The following ALPK2 variants were observed in gnomAD, a reference collection of about 807,000 sequenced individuals.
ALPK2 encodes alpha-protein kinase 2.
A neutral mutation model predicts 163.1 loss-of-function variants in ALPK2; 127 were observed. The ratio of observed to expected loss-of-function variants is 0.78; its 90% CI spans 0.67 to 0.90. The LOEUF (loss-of-function observed/expected upper bound fraction) is 0.90, where lower values mean the gene tolerates loss of function less well. Ranked by LOEUF, ALPK2 falls within the 40% of genes least tolerant of loss-of-function variation. ALPK2 has a pLI of 0.00. For missense variants in ALPK2, 2,360 were observed against 2,589.6 expected, an observed-to-expected ratio of 0.91 and a Z score of 1.92; for synonymous variants, 953 against 959.1, an observed-to-expected ratio of 0.99 and a Z score of 0.12.
At chr18:58,602,377 C>A (rs2052075388) in intron 3 of ALPK2, among the ~76,000 whole-genome samples, 1 of 152,228 alleles carries the variant, frequency 6.6e-6, no homozygotes, top group Non-Finnish European at 1.5e-5. Context: ...GAAATTTATT[C>A]TTTCACAGTT....
chr18:58,578,777 T>C (rs774168136), intron 4 of ALPK2, 37 bp downstream of exon 4: 9 of 1,153,994 alleles, frequency 7.8e-6, no homozygotes, highest in African/African-American at 3.0e-5. Context: ...CACACGGTTC[T>C]TTTTATCTCG....
At chr18:58,581,509 C>T (rs888854569) in intron 3 of ALPK2, among the ~76,000 whole-genome samples, 14 of 151,726 alleles carry the variant, frequency 9.2e-5, no homozygotes, top group Non-Finnish European at 4.4e-5. Flanking sequence ...CTGGATGGAA[C>T]GAAGCCTGCT....
chr18:58,558,333 T>C (rs181093554), intron 4 of ALPK2, among the ~76,000 whole-genome samples: 2 of 152,370 alleles, frequency 1.3e-5, no homozygotes, highest in African/African-American at 4.8e-5. Flanking sequence ...TTAACAATTT[T>C]TATATTTACA....
chr18:58,487,174 G>GGCGT (rs1568063373), intron 12 of ALPK2, among the ~76,000 whole-genome samples: 1 of 86,364 alleles, frequency 1.2e-5, no homozygotes, highest in Non-Finnish European at 2.5e-5. Flanking sequence ...ATTACAGATG[G>GGCGT]AATTTCTTAA....
rs1555671041 is a variant in ALPK2 at position 58,550,517 on chromosome 18, C to CCCATCTCTATCACCTACAACCCCATCT, written c.1963-12294_1963-12293insAGATGGGGTTGTAGGTGATAGAGATGG. On this transcript the variant is annotated intron_variant, in intron 4 of 12. Coordinates refer to ENST00000361673, the MANE Select transcript of ALPK2 (RefSeq NM_052947.4). ...CATCTATATCATATACAACCCCATC[C>CCCATCTCTATCACCTACAACCCCATCT]CCATCTCCATCACCTACAATCCCAT... 7.1e-3 allele frequency among the ~76,000 whole-genome samples: 620 copies of CCCATCTCTATCACCTACAACCCCATCT among 87,224 alleles called. 8 individuals are homozygous for CCCATCTCTATCACCTACAACCCCATCT. The highest frequency in any genetic ancestry group is 0.011 in the South Asian group (31 of 2,700). The allele number at this position is 87,224 out of a possible 152,430, so 57.2% of individuals were successfully genotyped here.
At chr18:58,613,708 A>T (rs868136628) in intron 1 of ALPK2, among the ~76,000 whole-genome samples, 1,068 of 95,120 alleles carry the variant, frequency 0.011, 17 homozygotes, top group Non-Finnish European at 0.017. Flanking sequence ...CAAAAAAAAA[A>T]AATAATAATA....
rs186975520 is a variant in ALPK2, at chr18:58,518,366, G to A, written c.5666-1184C>T. Among the ~76,000 whole-genome samples, 485 of 152,286 alleles carry A rather than the reference G, an allele frequency of 3.2e-3. 1 individual carries two copies. Among genetic ancestry groups the A allele is most frequent in the African/African-American group, 0.011 (459 of 41,554 alleles). On this transcript the variant is annotated intron_variant, in intron 8 of 12. Coordinates refer to ENST00000361673, the MANE Select transcript of ALPK2 (RefSeq NM_052947.4). ...CTGCCAGAAAGAAAGAAAGGGAGTG[G>A]GGTTTGGTGGATTTTCAAACAGAAA...
intron 3 of ALPK2, among the ~76,000 whole-genome samples, chr18:58,582,909 G>A (rs2051966545): frequency 6.6e-6 from 1 of 152,144 alleles, no homozygotes; most frequent in Admixed American, 6.6e-5. Context: ...AGAAATTGTT[G>A]AGTTAAGATA....
intron 4 of ALPK2, among the ~76,000 whole-genome samples, chr18:58,562,981 A>C (rs2051832789): frequency 6.6e-6 from 1 of 152,174 alleles, no homozygotes. Flanking sequence ...ATCACATTGG[A>C]GGTTAGGACT....
intron 3 of ALPK2, chr18:58,580,832 A>G (rs897315796): frequency 1.7e-5 from 7 of 411,002 alleles, no homozygotes; most frequent in African/African-American, 6.0e-5. Context: ...TACAAATGCC[A>G]TGGCAGGGTC....
Position 58,573,264 on chromosome 18 carries a change from GTA to G in ALPK2, c.1962+5548_1962+5549del, listed in dbSNP as rs373512712. 0.013 allele frequency among the ~76,000 whole-genome samples: 359 copies of G among 28,282 alleles called. 15 individuals carry two copies. The East Asian group carries it at 0.17, about 14-fold the overall frequency. The allele number at this position is 28,282 out of a possible 152,430, so 18.6% of individuals were successfully genotyped here. A position where few individuals can be genotyped will look rare whatever the true frequency, so the allele number is the denominator to read the frequency against. ...TATATGTGTATATATGTATATATGT[GTA>G]TATATATGTATATATGTGTATATAT... On this transcript the variant is annotated intron_variant, in intron 4 of 12. Transcript: ENST00000361673.
chr18:58,579,217 A>C lies in ALPK2; in HGVS notation c.1559T>G (p.Val520Gly). 1.2e-6 allele frequency: 2 copies of C among 1,612,514 alleles called. No homozygotes were observed. Among genetic ancestry groups the C allele is most frequent in the Non-Finnish European group, 1.7e-6 (2 of 1,179,580 alleles). The change falls in exon 4 of 13, where the codon GTG (valine) becomes GGG (glycine). Residue 520 changes from valine to glycine, a missense_variant. Val to Gly is a moderately radical substitution (Grantham distance 109, BLOSUM62 -3). Coordinates refer to ENST00000361673, the MANE Select transcript of ALPK2 (RefSeq NM_052947.4). The part of the protein sequence containing the change: ...QCWETAADKR[V>G]GGKDLWSKRG... ...CTTGCTCCATAAGTCCTTTCCCCCC[A>C]CTCTCTTGTCAGCTGCCGTCTCCCA...
chr18:58,580,451 C>G lies in ALPK2; in HGVS notation c.325G>C (p.Glu109Gln), dbSNP rs753838001. ...AGGTTAGGAGACAATTGTGGGTTCT[C>G]TGATGAGCACTCAACCTCAACGGAA... ...SASVEVECSSENPQLSPNLED... is the reference protein window; with the variant it reads ...SASVEVECSSQNPQLSPNLED... Residue 109 changes from glutamate (E) to glutamine (Q), a missense_variant, in exon 4 of 13, where the codon GAG becomes CAG. Glu to Gln is a conservative substitution (Grantham distance 29, BLOSUM62 2). Transcript: ENST00000361673. The G allele has an allele frequency of 3.1e-6, 5 of 1,614,178 alleles. No individual in the cohort carries two copies. The Admixed American group carries it at 8.3e-5, about 27-fold the overall frequency.
intron 2 of ALPK2, among the ~76,000 whole-genome samples, chr18:58,611,334 A>G (rs1399507843): frequency 6.6e-6 from 1 of 152,008 alleles, no homozygotes; most frequent in African/African-American, 2.4e-5. Flanking sequence ...CAATTTACCG[A>G]AAAAAAGTGA....
Position 58,537,540 on chromosome 18 carries a change from T to C in ALPK2, c.2647A>G (p.Asn883Asp), listed in dbSNP as rs748863483. 2 of 1,613,880 alleles carry C rather than the reference T, an allele frequency of 1.2e-6. No individual in the cohort carries two copies. Among genetic ancestry groups the C allele is most frequent in the Non-Finnish European group, 1.7e-6 (2 of 1,179,876 alleles). The change falls in exon 5 of 13, where the codon AAC (asparagine) becomes GAC (aspartate). Residue 883 changes from asparagine to aspartate, a missense_variant. Coordinates refer to ENST00000361673, the MANE Select transcript of ALPK2 (RefSeq NM_052947.4). ...VSTCKSSKDG[N>D]SVMSPLFTST... ...GTAAAAAGAGGGGACATGACTGAGTTGCCGTCCTTGCTGCTTTTGCACGTA... is the reference window on the plus strand; with the variant it reads ...GTAAAAAGAGGGGACATGACTGAGTCGCCGTCCTTGCTGCTTTTGCACGTA...
intron 3 of ALPK2, among the ~76,000 whole-genome samples, chr18:58,589,938 C>A (rs1171592697): frequency 1.3e-5 from 2 of 152,194 alleles, no homozygotes; most frequent in Non-Finnish European, 2.9e-5. Flanking sequence ...GAATTCTCAG[C>A]CAGGTGCATT....
chr18:58,596,607 T>G (rs561894656), intron 3 of ALPK2, among the ~76,000 whole-genome samples: 1 of 152,336 alleles, frequency 6.6e-6, no homozygotes, highest in South Asian at 2.1e-4. Context: ...ACAGCAGCTG[T>G]GGGAGGCCTG....
At chr18:58,544,432 G>T (rs887576348) in intron 4 of ALPK2, 1 of 152,182 alleles carries the variant, frequency 6.6e-6, no homozygotes, top group African/African-American at 2.4e-5. Flanking sequence ...CCAGCCAAGT[G>T]CATGACACTA....
intron 12 of ALPK2, among the ~76,000 whole-genome samples, chr18:58,490,085 G>GA (rs1455361523): frequency 6.6e-6 from 1 of 151,702 alleles, no homozygotes; most frequent in Admixed American, 6.6e-5. Context: ...AAAAAAGAAA[G>GA]AAAAAAAGAA....
Sources: allele counts gnomAD v4.1 joint callset (sites outside exome capture counted in the v4.1 genomes callset), GRCh38; gene constraint gnomAD v4.1.1; transcripts MANE v1.5; gene names NCBI Gene and HGNC (gene_info 2026-07-23, HGNC 2026-07-21).